Variants in TENM3 observed in about 807,000 individuals in gnomAD.
The protein encoded by TENM3 is teneurin-3.
A neutral mutation model predicts 255.1 loss-of-function variants in TENM3; 63 were observed. That is an observed-to-expected ratio of 0.25 (90% CI 0.20 to 0.30). The LOEUF is 0.30. Among genes scored for constraint, TENM3 ranks in the 10% least tolerant of loss-of-function variants. TENM3 has a pLI of 1.00. For missense variants in TENM3, 2,929 were observed against 3,461.1 expected (o/e 0.85, Z 3.86); for synonymous variants, 1,306 against 1,322.3 (o/e 0.99, Z 0.27).
chr4:181,652,890 C>T, the TENM3 span, among the ~76,000 whole-genome samples: 1 of 152,150 alleles, frequency 6.6e-6, no homozygotes, highest in African/African-American at 2.4e-5. Context: ...ACTGCTGTGA[C>T]CTTTGCCAAG....
At chr4:181,791,850 G>A in the TENM3 span, among the ~76,000 whole-genome samples, 1 of 152,190 alleles carries the variant, frequency 6.6e-6, no homozygotes, top group African/African-American at 2.4e-5. Flanking sequence ...AACATAAGTA[G>A]GCAACGGACA....
the TENM3 span, among the ~76,000 whole-genome samples, chr4:182,043,325 T>G: frequency 6.6e-6 from 1 of 152,346 alleles, no homozygotes; most frequent in African/African-American, 2.4e-5. Flanking sequence ...CTAAAACAGT[T>G]AATGCAAAGC....
At chr4:181,967,852 G>A in the TENM3 span, among the ~76,000 whole-genome samples, 7 of 152,104 alleles carry the variant, frequency 4.6e-5, no homozygotes, top group East Asian at 5.8e-4. Context: ...CTTCTGGACC[G>A]AGGCCTGAAA....
the TENM3 span, among the ~76,000 whole-genome samples, chr4:181,619,166 T>C: frequency 6.6e-6 from 1 of 152,092 alleles, no homozygotes; most frequent in Admixed American, 6.5e-5. Flanking sequence ...AGGCACAGCT[T>C]CCTCGGAGTG....
At chr4:181,888,494 G>GTACATATATA in the TENM3 span, among the ~76,000 whole-genome samples, 16 of 28,236 alleles carry the variant, frequency 5.7e-4, no homozygotes, top group Admixed American at 1.5e-3. Flanking sequence ...ATAGAAATGT[G>GTACATATATA]TATATATATA....
chr4:182,222,108 A>C (rs936839882), intron 1 of TENM3, among the ~76,000 whole-genome samples: 21 of 152,168 alleles, frequency 1.4e-4, no homozygotes, highest in Non-Finnish European at 2.6e-4. Context: ...AACCACTAGA[A>C]TGTAAGTTGT....
the TENM3 span, among the ~76,000 whole-genome samples, chr4:181,574,070 G>A: frequency 2.9e-3 from 436 of 152,212 alleles, 2 homozygotes; most frequent in African/African-American, 0.01. Context: ...GAAACTCCCC[G>A]AAGATTTAAT....
chr4:182,264,873 T>C (rs1162255258), intron 1 of TENM3, among the ~76,000 whole-genome samples: 1 of 152,188 alleles, frequency 6.6e-6, no homozygotes, highest in Admixed American at 6.5e-5. Context: ...GCTATAAATA[T>C]ATTTAAAAGG....
rs141968345 is a variant in TENM3, at chr4:182,228,358, ATGTGTGTGTGTGTGTG to A, written c.-76+83624_-76+83639del. On this transcript the variant is annotated intron_variant, in intron 1 of 2. Transcript: ENST00000512480. Reference sequence around the variant, plus strand: ...CCTTAAATATATATAATGTAATGTAATGTGTGTGTGTGTGTGTGTGTGTGTGTGTGTGTGTATATGT... The same window carrying A: ...CCTTAAATATATATAATGTAATGTAATGTGTGTGTGTGTGTGTGTATATGT... Among the ~76,000 whole-genome samples, 20 of 109,100 alleles carry A rather than the reference ATGTGTGTGTGTGTGTG, an allele frequency of 1.8e-4. 1 individual carries two copies. Among genetic ancestry groups the A allele is most frequent in the African/African-American group, 5.1e-4 (14 of 27,702 alleles). 71.6% of individuals were successfully genotyped at this position (109,100 alleles called of 152,430 possible).
chr4:181,459,855 T>C, the TENM3 span, among the ~76,000 whole-genome samples: 1 of 151,932 alleles, frequency 6.6e-6, no homozygotes, highest in African/African-American at 2.4e-5. Flanking sequence ...CAAAAACCTG[T>C]TGAAATTTTT....
At chr4:181,593,921 T>C in the TENM3 span, among the ~76,000 whole-genome samples, 88,378 of 151,822 alleles carry the variant, frequency 0.58, 26,044 homozygotes, top group Non-Finnish European at 0.63. Flanking sequence ...AATTATGATC[T>C]AGGCATGTTC....
intron 1 of TENM3, among the ~76,000 whole-genome samples, chr4:182,253,746 T>C (rs1309991175): frequency 1.3e-5 from 2 of 152,244 alleles, no homozygotes; most frequent in African/African-American, 4.8e-5. Flanking sequence ...TTAAGATTAA[T>C]TGACATTATC....
chr4:181,547,271 C>A, the TENM3 span, among the ~76,000 whole-genome samples: 1 of 151,840 alleles, frequency 6.6e-6, no homozygotes. Flanking sequence ...ATGACTCATA[C>A]AAATATCCAA....
chr4:182,762,374 T>C (rs1763271470), intron 22 of TENM3, among the ~76,000 whole-genome samples: 1 of 152,238 alleles, frequency 6.6e-6, no homozygotes, highest in South Asian at 2.1e-4. Flanking sequence ...CATCATCAGC[T>C]TCCCTTACAC....
At chr4:181,901,531 A>G in the TENM3 span, among the ~76,000 whole-genome samples, 6 of 152,214 alleles carry the variant, frequency 3.9e-5, no homozygotes, top group Non-Finnish European at 5.9e-5. Flanking sequence ...AGAGATTTCC[A>G]ATGGAAATTA....
the TENM3 span, among the ~76,000 whole-genome samples, chr4:181,712,121 T>A: frequency 6.6e-6 from 1 of 152,130 alleles, no homozygotes; most frequent in Non-Finnish European, 1.5e-5. Flanking sequence ...AGCCAGTCAG[T>A]GCACAGTCAA....
At chr4:181,476,801 G>A in the TENM3 span, among the ~76,000 whole-genome samples, 1 of 152,136 alleles carries the variant, frequency 6.6e-6, no homozygotes, top group African/African-American at 2.4e-5. Context: ...ACATAAAGGA[G>A]AGGAAAAACC....
the TENM3 span, among the ~76,000 whole-genome samples, chr4:181,591,734 C>T: frequency 6.6e-6 from 1 of 152,180 alleles, no homozygotes; most frequent in Admixed American, 6.5e-5. Context: ...CCAGGTTGCA[C>T]ACTCAATATG....
chr4:182,283,242 A>G (rs2150284097), intron 1 of TENM3, among the ~76,000 whole-genome samples: 1 of 152,360 alleles, frequency 6.6e-6, no homozygotes, highest in South Asian at 2.1e-4. Flanking sequence ...ATGATAAACC[A>G]TATCTATTTC....
Sources: allele counts gnomAD v4.1 joint callset (sites outside exome capture counted in the v4.1 genomes callset), GRCh38; gene constraint gnomAD v4.1.1; transcripts MANE v1.5; gene names NCBI Gene and HGNC (gene_info 2026-07-23, HGNC 2026-07-21).